Variants in SH3RF3 observed in about 807,000 individuals in gnomAD.
SH3RF3 encodes the protein SH3 domain containing ring finger 3, also known as E3 ubiquitin-protein ligase SH3RF3.
A neutral mutation model predicts 66.3 loss-of-function variants in SH3RF3; 29 were observed. That is an observed-to-expected ratio of 0.44 (90% confidence interval 0.33 to 0.60). The LOEUF (loss-of-function observed/expected upper bound fraction) is 0.60. SH3RF3 is among the 20% of genes least tolerant of loss of function. The probability of loss-of-function intolerance (pLI) is 0.04; values close to 1 mark genes in which losing one functional copy is unlikely to be tolerated. For synonymous variants in SH3RF3, 583 were observed against 532.0 expected (o/e 1.10, Z -1.32); for missense variants, 1,194 against 1,190.9 (o/e 1.00, Z -0.04).
At chr2:109,459,279 T>TA (rs1294049322) in intron 8 of SH3RF3, among the ~76,000 whole-genome samples, 1 of 151,654 alleles carries the variant, frequency 6.6e-6, no homozygotes, top group African/African-American at 2.4e-5. Context: ...AGGAAATACT[T>TA]ACAACAGTTA....
intron 1 of SH3RF3, among the ~76,000 whole-genome samples, chr2:109,196,290 C>T (rs1232386568): frequency 1.3e-5 from 2 of 152,194 alleles, no homozygotes; most frequent in African/African-American, 4.8e-5. Context: ...CTGCTCCAGG[C>T]CAGCAGCCCT....
At chr2:109,180,098 G>A (rs1214071791) in intron 1 of SH3RF3, among the ~76,000 whole-genome samples, 1 of 151,984 alleles carries the variant, frequency 6.6e-6, no homozygotes, top group Non-Finnish European at 1.5e-5. Flanking sequence ...GCCTCCATGG[G>A]GTTAGGAACC....
intron 3 of SH3RF3, among the ~76,000 whole-genome samples, chr2:109,382,454 C>T (rs183797210): frequency 1.2e-4 from 18 of 152,270 alleles, no homozygotes; most frequent in East Asian, 9.7e-4. Flanking sequence ...TCCTGACCCC[C>T]GACGTGGTTG....
At chr2:109,147,576 A>G (rs185173874) in intron 1 of SH3RF3, among the ~76,000 whole-genome samples, 124 of 152,350 alleles carry the variant, frequency 8.1e-4, no homozygotes, top group Middle Eastern at 3.4e-3. Context: ...AAAGAGGCCT[A>G]GTCAATTATT....
At chr2:109,465,156 G>A (rs1368602964) in intron 8 of SH3RF3, among the ~76,000 whole-genome samples, 4 of 152,198 alleles carry the variant, frequency 2.6e-5, no homozygotes, top group Non-Finnish European at 4.4e-5. Flanking sequence ...TAGTAGCTCA[G>A]TTCTTTTTAG....
intron 1 of SH3RF3, among the ~76,000 whole-genome samples, chr2:109,203,123 G>A (rs945650479): frequency 6.6e-6 from 1 of 152,120 alleles, no homozygotes; most frequent in African/African-American, 2.4e-5. Flanking sequence ...CCCTGGGCCT[G>A]TCCGTGTCCT....
chr2:109,462,921 C>A (rs1678243556), intron 8 of SH3RF3, among the ~76,000 whole-genome samples: 1 of 152,226 alleles, frequency 6.6e-6, no homozygotes, highest in African/African-American at 2.4e-5. Flanking sequence ...GATCCAGTGT[C>A]CAGCTGTCCC....
intron 2 of SH3RF3, 45 bp from the exon 3 acceptor site, chr2:109,371,541 G>A (rs1306528852): frequency 6.5e-7 from 1 of 1,538,320 alleles, no homozygotes; most frequent in South Asian, 1.1e-5. Context: ...TTTTCATTGT[G>A]TGTGTGTCCG....
At chr2:109,305,238 C>A in intron 1 of SH3RF3, among the ~76,000 whole-genome samples, 1 of 152,274 alleles carries the variant, frequency 6.6e-6, no homozygotes, top group East Asian at 1.9e-4. Flanking sequence ...AACCTGCTGA[C>A]GGTTTCCCCC....
At chr2:109,444,189 G>A (rs147324288) in intron 7 of SH3RF3, among the ~76,000 whole-genome samples, 18 of 152,282 alleles carry the variant, frequency 1.2e-4, no homozygotes, top group African/African-American at 2.9e-4. Context: ...ATATTATAAC[G>A]CATTTTGAGC....
chr2:109,481,734 G>A (rs1356014089), intron 8 of SH3RF3, among the ~76,000 whole-genome samples: 4 of 152,178 alleles, frequency 2.6e-5, no homozygotes, highest in South Asian at 2.1e-4. Context: ...AAGTGCAGAC[G>A]CTGTGCTGTG....
At chr2:109,486,201 T>C (rs1559108946) in intron 8 of SH3RF3, among the ~76,000 whole-genome samples, 1 of 152,252 alleles carries the variant, frequency 6.6e-6, no homozygotes. Flanking sequence ...ATGACGACCA[T>C]TGGCTTCTGA....
Position 109,353,558 on chromosome 2 carries a change from C to G in SH3RF3, c.849+5609C>G, listed in dbSNP as rs115897765. Among the ~76,000 whole-genome samples the G allele has an allele frequency of 9.3e-3, 1,423 of 152,276 alleles. 19 individuals carry two copies. Among genetic ancestry groups the G allele is most frequent in the African/African-American group, 0.033 (1,355 of 41,564 alleles). On this transcript the variant is annotated intron_variant, in intron 2 of 9. Coordinates refer to ENST00000309415, the MANE Select transcript of SH3RF3 (RefSeq NM_001099289.3). ...GGAGGGACGTGGAGGGAAGCCCTAA[C>G]AGTGGAGTGGGGTGCCCTGTGTCAC...
intron 1 of SH3RF3, among the ~76,000 whole-genome samples, chr2:109,236,162 T>G (rs1679644194): frequency 6.6e-6 from 1 of 152,214 alleles, no homozygotes; most frequent in African/African-American, 2.4e-5. Context: ...TTAGAACTCT[T>G]AATCACTGCC....
chr2:109,135,314 C>T (rs1676790398), intron 1 of SH3RF3, among the ~76,000 whole-genome samples: 1 of 152,194 alleles, frequency 6.6e-6, no homozygotes, highest in African/African-American at 2.4e-5. Flanking sequence ...TCCCCCAGGA[C>T]ACGTGGAAGG....
chr2:109,317,949 C>T (rs1300893168), intron 1 of SH3RF3, among the ~76,000 whole-genome samples: 14 of 152,178 alleles, frequency 9.2e-5, no homozygotes, highest in African/African-American at 2.9e-4. Context: ...ACAACTCTGC[C>T]GCTTGTCCTG....
Position 109,322,018 on chromosome 2 carries a change from G to T in SH3RF3, c.574-25656G>T, listed in dbSNP as rs548834139. On this transcript the variant is annotated intron_variant, in intron 1 of 9. Transcript: ENST00000309415. ...AATACCACATTTCAAGAAGTGGATG[G>T]CTCTTTTTAAAATAAGTCACCTTGG... 3.9e-5 allele frequency among the ~76,000 whole-genome samples: 6 copies of T among 152,244 alleles called. No individual in the cohort carries two copies. The South Asian group carries it at 1.2e-3, about 32-fold the overall frequency.
intron 1 of SH3RF3, among the ~76,000 whole-genome samples, chr2:109,254,147 C>T (rs567880693): frequency 1.6e-4 from 24 of 152,286 alleles, no homozygotes; most frequent in African/African-American, 4.3e-4. Context: ...AGCAAGGACT[C>T]TTAGAGGAAA....
chr2:109,182,271 G>A (rs80097433), intron 1 of SH3RF3, among the ~76,000 whole-genome samples: 1,862 of 152,266 alleles, frequency 0.012, 19 homozygotes, highest in Middle Eastern at 0.034. Flanking sequence ...AGAAGGCATC[G>A]CATGGTGAGA....
Sources: gnomAD v4.1 joint callset for allele counts (sites outside exome capture counted in the v4.1 genomes callset) on GRCh38, gnomAD v4.1.1 for gene constraint, MANE v1.5 for transcripts, NCBI Gene and HGNC (gene_info 2026-07-23, HGNC 2026-07-21) for gene names.